Variants in VRK2 observed in about 807,000 individuals in gnomAD.
The protein encoded by VRK2 is serine/threonine-protein kinase VRK2.
In VRK2, 60 loss-of-function variants were observed where a neutral mutation model predicts 57.6. That is an observed-to-expected ratio of 1.04 (90% CI 0.85 to 1.29). The LOEUF is 1.29. Among genes scored for constraint, VRK2 ranks in the 50% most tolerant of loss-of-function variants. The probability of loss-of-function intolerance (pLI) is 0.00; values close to 1 mark genes in which losing one functional copy is unlikely to be tolerated. For synonymous variants in VRK2, 231 were observed against 199.2 expected (o/e 1.16, Z -1.35); for missense variants, 705 against 588.1 (o/e 1.20, Z -2.06).
chr2:58,138,383 A>T (rs1457565223), intron 10 of VRK2, among the ~76,000 whole-genome samples: 1 of 152,160 alleles, frequency 6.6e-6, no homozygotes, highest in Admixed American at 6.5e-5. Context: ...AGAATTTGAT[A>T]AAAATAGATG....
chr2:57,936,647 T>C lies in VRK2; in HGVS notation c.-439+28808T>C, dbSNP rs1255197058. ...CTGTTTTATTTATTAATTTCTATGA[T>C]AAATAAATATTTCCTGTTGTATTTA... On this transcript the variant is annotated intron_variant, in intron 1 of 15. Transcript: ENST00000417641. Among the ~76,000 whole-genome samples the C allele has an allele frequency of 4.6e-5, 7 of 151,930 alleles. No individual in the cohort carries two copies. The East Asian group carries it at 5.8e-4, about 13-fold the overall frequency.
At chr2:58,031,893 C>T (rs1674121866) in intron 2 of VRK2, among the ~76,000 whole-genome samples, 1 of 152,066 alleles carries the variant, frequency 6.6e-6, no homozygotes, top group Non-Finnish European at 1.5e-5. Flanking sequence ...ATCCAAACAA[C>T]TTTGAGTAGA....
chr2:58,000,251 C>A (rs866469068), intron 1 of VRK2, among the ~76,000 whole-genome samples: 1 of 152,112 alleles, frequency 6.6e-6, no homozygotes, highest in East Asian at 1.9e-4. Flanking sequence ...CTTACAGAAA[C>A]TAATAAGGTT....
intron 3 of VRK2, among the ~76,000 whole-genome samples, chr2:58,039,134 ACAATTTTAAAAG>A (rs1281970565): frequency 6.6e-6 from 1 of 152,128 alleles, no homozygotes; most frequent in Non-Finnish European, 1.5e-5. Context: ...TAAAAATAAA[ACAATTTTAAAAG>A]CTATTATACA....
chr2:58,089,127 A>G (rs1672027513), intron 6 of VRK2, among the ~76,000 whole-genome samples: 1 of 152,218 alleles, frequency 6.6e-6, no homozygotes, highest in Non-Finnish European at 1.5e-5. Context: ...GTAACATGCA[A>G]GGCTGAAGGG....
intron 8 of VRK2, among the ~76,000 whole-genome samples, chr2:58,128,594 A>C (rs1043371905): frequency 6.6e-6 from 1 of 152,184 alleles, no homozygotes. Flanking sequence ...AGCCTCCCAA[A>C]GTACTGGGAT....
At chr2:58,053,970 A>G (rs879485699) in intron 2 of VRK2, among the ~76,000 whole-genome samples, 5 of 152,158 alleles carry the variant, frequency 3.3e-5, no homozygotes, top group Non-Finnish European at 5.9e-5. Flanking sequence ...AACTCAAAAC[A>G]GGGAAGGAAT....
intron 8 of VRK2, among the ~76,000 whole-genome samples, chr2:58,123,764 A>G (rs1677877735): frequency 6.6e-6 from 1 of 151,904 alleles, no homozygotes; most frequent in Non-Finnish European, 1.5e-5. Context: ...AGGTGGGAGG[A>G]GGATCACTTG....
At chr2:58,096,498 A>C (rs1673150406) in intron 7 of VRK2, among the ~76,000 whole-genome samples, 1 of 150,722 alleles carries the variant, frequency 6.6e-6, no homozygotes, top group Admixed American at 6.6e-5. Flanking sequence ...CTGTTTTTTC[A>C]ATTTTATTTG....
intron 3 of VRK2, among the ~76,000 whole-genome samples, chr2:58,037,518 C>T (rs187724370): frequency 6.6e-6 from 1 of 152,084 alleles, no homozygotes; most frequent in East Asian, 1.9e-4. Flanking sequence ...CAATGAAAAG[C>T]TTAAAGAAAA....
chr2:57,971,586 T>C (rs1263115651), intron 1 of VRK2, among the ~76,000 whole-genome samples: 1 of 151,890 alleles, frequency 6.6e-6, no homozygotes, highest in East Asian at 1.9e-4. Context: ...ATGTATTTAT[T>C]TATTTATTTT....
intron 2 of VRK2, among the ~76,000 whole-genome samples, chr2:58,055,934 A>G (rs1005238339): frequency 4.6e-5 from 7 of 152,228 alleles, no homozygotes; most frequent in Non-Finnish European, 1.0e-4. Flanking sequence ...AACTTAATGC[A>G]TAAGTGACAA....
chr2:57,980,786 C>A (rs1198121574), intron 1 of VRK2, among the ~76,000 whole-genome samples: 1 of 152,062 alleles, frequency 6.6e-6, no homozygotes, highest in Non-Finnish European at 1.5e-5. Flanking sequence ...ATACATAATG[C>A]CCTTCTTTGT....
At chr2:58,152,792 A>G (rs1401466947) in intron 12 of VRK2, among the ~76,000 whole-genome samples, 4 of 151,930 alleles carry the variant, frequency 2.6e-5, no homozygotes, top group Non-Finnish European at 4.4e-5. Flanking sequence ...AAATACATAC[A>G]GCCTCCCTAT....
rs191891452 is a variant in VRK2, at chr2:58,095,898, A to T, written c.543+6175A>T. The stretch of plus-strand genomic sequence containing the variant: ...ATGGCTTTAGGACTAAGGTTTGTGT[A>T]TATGTTTGTGAATATATGTGTGAAT... On this transcript the variant is annotated intron_variant, in intron 7 of 12. Transcript: ENST00000340157. 2.9e-3 allele frequency among the ~76,000 whole-genome samples: 445 copies of T among 152,200 alleles called. 3 individuals carry two copies. Among genetic ancestry groups the T allele is most frequent in the Middle Eastern group, 0.014 (4 of 294 alleles).
At chr2:58,093,663 G>A (rs747531851) in intron 7 of VRK2, among the ~76,000 whole-genome samples, 10,355 of 152,088 alleles carry the variant, frequency 0.068, 410 homozygotes, top group Non-Finnish European at 0.092. Flanking sequence ...AAGCTCTTTA[G>A]TTTAATTAGA....
intron 1 of VRK2, among the ~76,000 whole-genome samples, chr2:58,019,648 T>C (rs553932350): frequency 2.6e-5 from 4 of 152,346 alleles, no homozygotes; most frequent in Non-Finnish European, 5.9e-5. Context: ...TGCTTTTTAA[T>C]GTTTGCAGCA....
chr2:58,113,446 G>C (rs552982028), intron 7 of VRK2, among the ~76,000 whole-genome samples: 3 of 152,138 alleles, frequency 2.0e-5, no homozygotes, highest in African/African-American at 2.4e-5. Context: ...ATGCGGGTCC[G>C]TGTGAAGAGA....
intron 1 of VRK2, among the ~76,000 whole-genome samples, chr2:57,966,920 T>C (rs1671936363): frequency 1.3e-5 from 2 of 151,964 alleles, no homozygotes; most frequent in Admixed American, 1.3e-4. Context: ...AACCAGACAG[T>C]AGTGAAGGTC....
Sources: gnomAD v4.1 joint callset for allele counts (sites outside exome capture counted in the v4.1 genomes callset) on GRCh38, gnomAD v4.1.1 for gene constraint, MANE v1.5 for transcripts, NCBI Gene and HGNC (gene_info 2026-07-23, HGNC 2026-07-21) for gene names.